The following DMD variants were observed in gnomAD, a reference collection of about 807,000 sequenced individuals.
DMD encodes mutant dystrophin.
In DMD, 63 loss-of-function variants were observed where a neutral mutation model predicts 330.1. The ratio of observed to expected loss-of-function variants is 0.19; its 90% CI spans 0.16 to 0.24. The LOEUF is 0.24. DMD is among the 10% of genes least tolerant of loss of function. DMD has a pLI of 1.00. For synonymous variants in DMD, 1,223 were observed against 959.8 expected, an observed-to-expected ratio of 1.27 and a Z score of -5.07; for missense variants, 3,344 against 2,684.1, an observed-to-expected ratio of 1.25 and a Z score of -5.43.
At chrX:32,999,563 G>C (rs1275830259) in intron 2 of DMD, among the ~76,000 whole-genome samples, 1 of 109,672 alleles carries the variant, frequency 9.1e-6, no homozygotes, top group Non-Finnish European at 1.9e-5. Flanking sequence ...CAGATCACGA[G>C]GTCAGGAGAT....
At chrX:32,501,545 A>T (rs2044053757) in intron 19 of DMD, among the ~76,000 whole-genome samples, 1 of 111,715 alleles carries the variant, frequency 9.0e-6, no homozygotes, top group Non-Finnish European at 1.9e-5. Flanking sequence ...ATATTCTACC[A>T]CATCCCATTT....
At chrX:32,349,099 C>T (rs1488620470) in intron 37 of DMD, among the ~76,000 whole-genome samples, 2 of 111,358 alleles carry the variant, frequency 1.8e-5, no homozygotes, top group Non-Finnish European at 3.8e-5. Context: ...TAAATTCAAA[C>T]GAATGAACCT....
chrX:31,284,584 C>CTTCTTCTTCTTCTTCTT (rs1556431469), intron 62 of DMD, among the ~76,000 whole-genome samples: 1 of 96,589 alleles, frequency 1.0e-5, no homozygotes, highest in Non-Finnish European at 2.0e-5. Flanking sequence ...TCTTCTTCTT[C>CTTCTTCTTCTTCTTCTT]TTCTTCTTCT....
At chrX:32,452,447 A>G (rs1235203455) in intron 26 of DMD, among the ~76,000 whole-genome samples, 1 of 7,315 alleles carries the variant, frequency 1.4e-4, no homozygotes. Context: ...AAGGGAAAGG[A>G]AAGGAAAGGA....
In DMD at chrX:31,266,996, G is replaced by A. The variant is rs398124089; in HGVS notation, c.9225-5980C>T. The A allele has an allele frequency of 9.9e-4, 778 of 782,479 alleles. 2 individuals carry two copies. The African/African-American group carries it at 1.0e-2, about 10-fold the overall frequency. The allele number at this position is 782,479 out of a possible 1,213,427, so 64.5% of individuals were successfully genotyped here. On this transcript the variant is annotated intron_variant, in intron 62 of 78. Coordinates refer to ENST00000357033, the MANE Select transcript of DMD (RefSeq NM_004006.3). Reference sequence around the variant, plus strand: ...GCGGGCCGGGGAGGGGGCGCTGCGGGCAGACGGGGCGGGGCCGTGTCGGGC... The same window carrying A: ...GCGGGCCGGGGAGGGGGCGCTGCGGACAGACGGGGCGGGGCCGTGTCGGGC...
At chrX:32,834,420 C>A (rs181348500) in intron 4 of DMD, among the ~76,000 whole-genome samples, 110 of 111,721 alleles carry the variant, frequency 9.8e-4, no homozygotes, top group Non-Finnish European at 2.1e-4. Context: ...TTAAAGGACA[C>A]ATAAAATACT....
At chrX:32,648,948 C>A (rs2059952601) in intron 9 of DMD, among the ~76,000 whole-genome samples, 1 of 111,267 alleles carries the variant, frequency 9.0e-6, no homozygotes, top group Non-Finnish European at 1.9e-5. Flanking sequence ...AGACCCCAAT[C>A]GTTTCATGAA....
At position 31,822,677 on chromosome X, in the gene DMD, T is replaced by TGTGTGTGTGTGTGTGC. The variant is rs1476530684; in HGVS notation, c.7201-2595_7201-2594insGCACACACACACACAC. Among the ~76,000 whole-genome samples, 6 of 103,685 alleles carry TGTGTGTGTGTGTGTGC rather than the reference T, an allele frequency of 5.8e-5. No individual in the cohort carries two copies. The East Asian group carries it at 1.5e-3, about 26-fold the overall frequency. The allele number at this position is 103,685 out of a possible 115,157, so 90.0% of individuals were successfully genotyped here. On this transcript the variant is annotated intron_variant, in intron 49 of 78. Coordinates refer to ENST00000357033, the MANE Select transcript of DMD (RefSeq NM_004006.3). ...GGGTGTGTGTGTGTGTGTGTGTGTGTGTGTGTGTGTGTGTGTGTGTGTGTA... is the reference window on the plus strand; with the variant it reads ...GGGTGTGTGTGTGTGTGTGTGTGTGTGTGTGTGTGTGTGTGCGTGTGTGTGTGTGTGTGTGTGTGTA...
At chrX:32,184,134 A>T (rs1355949230) in intron 44 of DMD, among the ~76,000 whole-genome samples, 1 of 106,858 alleles carries the variant, frequency 9.4e-6, no homozygotes, top group Admixed American at 1.0e-4. Flanking sequence ...CACCTAGTAT[A>T]CTTTTCTTAA....
chrX:32,065,857 A>C (rs1012718277), intron 44 of DMD, among the ~76,000 whole-genome samples: 1 of 111,546 alleles, frequency 9.0e-6, no homozygotes, highest in Admixed American at 9.6e-5. Context: ...CATTTTGTTC[A>C]CTCTTTAACT....
At chrX:32,135,920 C>G (rs1212125022) in intron 44 of DMD, among the ~76,000 whole-genome samples, 1 of 111,274 alleles carries the variant, frequency 9.0e-6, no homozygotes, top group Admixed American at 9.5e-5. Flanking sequence ...TAGTCATTAA[C>G]CCTTCTGGAT....
intron 59 of DMD, among the ~76,000 whole-genome samples, chrX:31,475,124 A>G (rs930312640): frequency 1.4e-4 from 16 of 112,012 alleles, no homozygotes; most frequent in African/African-American, 4.2e-4. Context: ...AAAAATTCAG[A>G]TAAGTACCAT....
intron 11 of DMD, among the ~76,000 whole-genome samples, chrX:32,639,193 T>G (rs2059290118): frequency 8.9e-6 from 1 of 112,171 alleles, no homozygotes; most frequent in Admixed American, 9.5e-5. Context: ...TATAAAAATG[T>G]CAGTAAATCT....
At chrX:32,614,563 G>C (rs1431182858) in intron 11 of DMD, 110 bp from the exon 12 acceptor site, 1 of 648,975 alleles carries the variant, frequency 1.5e-6, no homozygotes, top group African/African-American at 2.2e-5. Context: ...GCATTTGGGG[G>C]CATCTATTGG....
At chrX:32,947,408 C>T (rs1231335462) in intron 2 of DMD, among the ~76,000 whole-genome samples, 1 of 111,713 alleles carries the variant, frequency 9.0e-6, no homozygotes, top group African/African-American at 3.2e-5. Flanking sequence ...GGCTTCTTGA[C>T]ATCATTTGGG....
intron 60 of DMD, among the ~76,000 whole-genome samples, chrX:31,387,398 A>G (rs1023686113): frequency 1.8e-5 from 2 of 110,769 alleles, no homozygotes; most frequent in African/African-American, 6.6e-5. Flanking sequence ...TATGTAAATT[A>G]ATTCTTTTTT....
intron 36 of DMD, among the ~76,000 whole-genome samples, chrX:32,364,117 A>T (rs376822267): frequency 8.9e-6 from 1 of 111,992 alleles, no homozygotes; most frequent in East Asian, 2.8e-4. Context: ...AAAAATGAAA[A>T]CCTCAGCTTT....
At chrX:31,751,292 C>A (rs2088545984) in intron 51 of DMD, among the ~76,000 whole-genome samples, 1 of 111,504 alleles carries the variant, frequency 9.0e-6, no homozygotes, top group Non-Finnish European at 1.9e-5. Context: ...ACTCCTAAGT[C>A]TAGCCCTGTC....
At chrX:32,932,679 C>T (rs2089691108) in intron 2 of DMD, among the ~76,000 whole-genome samples, 1 of 111,601 alleles carries the variant, frequency 9.0e-6, no homozygotes, top group South Asian at 3.7e-4. Context: ...GGCAAATGAT[C>T]CCCATTATAG....
Sources: gnomAD v4.1 joint callset for allele counts (sites outside exome capture counted in the v4.1 genomes callset) on GRCh38, gnomAD v4.1.1 for gene constraint, MANE v1.5 for transcripts, NCBI Gene and HGNC (gene_info 2026-07-23, HGNC 2026-07-21) for gene names.